Variants in TFCP2 observed in about 807,000 individuals in gnomAD.
TFCP2 encodes the protein transcription factor CP2.
In TFCP2, 33 loss-of-function variants were observed where a neutral mutation model predicts 73.4. The observed-to-expected ratio is 0.45, with a 90% CI of 0.34 to 0.60. TFCP2 has a LOEUF of 0.60. Ranked by LOEUF, TFCP2 falls within the 20% of genes least tolerant of loss-of-function variation. The probability of loss-of-function intolerance (pLI) is 0.01; values close to 1 mark genes in which losing one functional copy is unlikely to be tolerated. For synonymous variants in TFCP2, 193 were observed against 211.6 expected (o/e 0.91, Z 0.76); for missense variants, 352 against 604.0 (o/e 0.58, Z 4.37).
rs774474321 is a variant in TFCP2, at chr12:51,128,992, CA to C, written c.123-10221del. On this transcript the variant is annotated intron_variant, in intron 1 of 14. Coordinates refer to ENST00000257915, the MANE Select transcript of TFCP2 (RefSeq NM_005653.5). Reference sequence around the variant, plus strand: ...TAAATATAAAGTCATAAGCTTAGAACAAAAAAATCAACAATAACAACAAAAT... The same window carrying C: ...TAAATATAAAGTCATAAGCTTAGAACAAAAAATCAACAATAACAACAAAAT... Among the ~76,000 whole-genome samples the C allele has an allele frequency of 3.3e-5, 5 of 151,854 alleles. No homozygotes were observed. In the East Asian group the frequency reaches 9.7e-4, roughly 29 times the overall value.
intron 1 of TFCP2, among the ~76,000 whole-genome samples, chr12:51,161,258 A>G (rs1941643066): frequency 1.3e-5 from 2 of 152,158 alleles, no homozygotes; most frequent in Non-Finnish European, 2.9e-5. Context: ...AACAACAGTA[A>G]TCCCTAGGGA....
intron 13 of TFCP2, among the ~76,000 whole-genome samples, chr12:51,097,866 A>C (rs1468348844): frequency 2.6e-5 from 4 of 151,802 alleles, no homozygotes; most frequent in Admixed American, 6.6e-5. Context: ...AAATACAAAA[A>C]TTAGCCAGGC....
rs558398051 is a variant in TFCP2 at position 51,119,488 on chromosome 12, T to C, written c.123-716A>G. Among the ~76,000 whole-genome samples, 31 of 152,316 alleles carry C rather than the reference T, an allele frequency of 2.0e-4. No individual in the cohort carries two copies. The South Asian group carries it at 2.7e-3, about 13-fold the overall frequency. ...ACATGCAGTCAGGCACAGTGGCTCA[T>C]GCCTGTAATCCCAGCAATTTGGGAG... On this transcript the variant is annotated intron_variant, in intron 1 of 14. Coordinates refer to ENST00000257915, the MANE Select transcript of TFCP2 (RefSeq NM_005653.5).
intron 1 of TFCP2, among the ~76,000 whole-genome samples, chr12:51,124,108 T>TTC (rs397827977): frequency 1.3e-4 from 20 of 151,792 alleles, no homozygotes; most frequent in Admixed American, 1.3e-4. Flanking sequence ...CTTTTTTTTT[T>TTC]CTTTTTTGAG....
intron 3 of TFCP2, among the ~76,000 whole-genome samples, chr12:51,117,080 T>C (rs1312621341): frequency 3.3e-5 from 5 of 152,192 alleles, no homozygotes; most frequent in Non-Finnish European, 7.3e-5. Flanking sequence ...CAGATGTATA[T>C]GAAAAACTCA....
In TFCP2 at chr12:51,118,757, C is replaced by T. The variant is rs878949094; in HGVS notation, c.138G>A (p.Leu46=). The T allele has an allele frequency of 6.2e-7, 1 of 1,613,892 alleles. No homozygotes were observed. Among genetic ancestry groups the T allele is most frequent in the Non-Finnish European group, 8.5e-7 (1 of 1,180,020 alleles). ...TCGACTCTTCTTGCTTAAAAATGGG[C>T]AATGCAAGGACATCACTAAAATAAA... ...GAYSMSDVLA[L]PIFKQEESSL... The change falls in exon 2 of 15, where the codon TTG becomes TTA. Residue 46 remains leucine, a synonymous_variant. Coordinates refer to ENST00000257915, the MANE Select transcript of TFCP2 (RefSeq NM_005653.5).
At chr12:51,170,533 G>C (rs956720094) in intron 1 of TFCP2, among the ~76,000 whole-genome samples, 1 of 151,876 alleles carries the variant, frequency 6.6e-6, no homozygotes, top group Non-Finnish European at 1.5e-5. Context: ...TATTTGTGGA[G>C]AGCGGGTCTT....
At chr12:51,125,103 G>A in intron 1 of TFCP2, 1 of 754,486 alleles carries the variant, frequency 1.3e-6, no homozygotes, top group Non-Finnish European at 2.5e-6. Context: ...GAAGATGCGA[G>A]GAAGCTGGCT....
chr12:51,123,406 C>A (rs1940729923), intron 1 of TFCP2, among the ~76,000 whole-genome samples: 1 of 152,008 alleles, frequency 6.6e-6, no homozygotes, highest in African/African-American at 2.4e-5. Context: ...CTATTTATAC[C>A]AAAACAAAAA....
At chr12:51,122,238 TA>T (rs373732853) in intron 1 of TFCP2, among the ~76,000 whole-genome samples, 176 of 149,638 alleles carry the variant, frequency 1.2e-3, no homozygotes, top group Admixed American at 1.5e-3. Context: ...GAAACAGTTT[TA>T]TTTTTTTTCT....
chr12:51,170,692 T>A (rs560091526), intron 1 of TFCP2, among the ~76,000 whole-genome samples: 1 of 152,214 alleles, frequency 6.6e-6, no homozygotes, highest in South Asian at 2.1e-4. Context: ...CCCCTTTTTT[T>A]TTTTGAGACG....
chr12:51,149,475 A>G (rs1213148936), intron 1 of TFCP2, among the ~76,000 whole-genome samples: 1 of 152,240 alleles, frequency 6.6e-6, no homozygotes, highest in Non-Finnish European at 1.5e-5. Context: ...GTTTTCCATA[A>G]TAAGAGGAGG....
intron 4 of TFCP2, among the ~76,000 whole-genome samples, chr12:51,112,858 C>A (rs1940435897): frequency 7.7e-6 from 1 of 129,180 alleles, no homozygotes. Context: ...CAGAGCAAGA[C>A]TCTGTCTCAA....
At position 51,140,267 on chromosome 12, in the gene TFCP2, C is replaced by G. The variant is rs572662966; in HGVS notation, c.123-21495G>C. On this transcript the variant is annotated intron_variant, in intron 1 of 14. Transcript: ENST00000257915. ...TTAACTATGATTTCACTAAAAGAAC[C>G]TGAAAAGGACTCAAAGGCCAGGCAT... 4.0e-5 allele frequency among the ~76,000 whole-genome samples: 6 copies of G among 151,844 alleles called. No individual in the cohort carries two copies. The South Asian group carries it at 1.2e-3, about 32-fold the overall frequency.
In TFCP2 at chr12:51,101,971, G is replaced by A. The variant is rs1424208683; in HGVS notation, c.1115C>T (p.Ala372Val). The change falls in exon 11 of 15, where the codon GCA (alanine) becomes GTA (valine). Residue 372 changes from alanine to valine, a missense_variant. Ala to Val is a moderately conservative substitution (Grantham distance 64, BLOSUM62 0). This residue lies in a region of TFCP2 where 194 missense variants were observed against 256.3 expected (regional missense o/e 0.76). Transcript: ENST00000257915. ...RDDVIQICGP[A>V]DGIRLFNALK... ...TGCATTAAAAAGTCTGATTCCATCT[G>A]CAGGGCCACAGATTTGGATCACATC... is the stretch of plus-strand genomic sequence containing the variant. 1.2e-6 allele frequency: 2 copies of A among 1,613,138 alleles called. No individual in the cohort carries two copies. Among genetic ancestry groups the A allele is most frequent in the Non-Finnish European group, 1.7e-6 (2 of 1,179,284 alleles).
In TFCP2 at chr12:51,093,986, T is replaced by TACACACACAC. The variant is rs10694278; in HGVS notation, c.*1245_*1254dup. On this transcript the variant is annotated 3_prime_UTR_variant, in exon 15 of 15. Coordinates refer to ENST00000257915, the MANE Select transcript of TFCP2 (RefSeq NM_005653.5). ...ACCCATGATGTTACACTTACACACT[T>TACACACACAC]ACACACACACACACACACACACACA... 8.3e-5 allele frequency: 10 copies of TACACACACAC among 120,102 alleles called. No homozygotes were observed. Among genetic ancestry groups the TACACACACAC allele is most frequent in the African/African-American group, 2.7e-4 (10 of 37,416 alleles). The allele number at this position is 120,102 out of a possible 1,614,324, so 7.4% of individuals were successfully genotyped here. A position where few individuals can be genotyped will look rare whatever the true frequency, so the allele number is the denominator to read the frequency against.
intron 14 of TFCP2, among the ~76,000 whole-genome samples, 170 bp downstream of exon 14, chr12:51,095,813 CAAAAAA>C (rs34105291): frequency 1.9e-4 from 16 of 84,180 alleles, no homozygotes; most frequent in South Asian, 5.0e-4. Context: ...GACTCTGTTT[CAAAAAA>C]AAAAAAAAAA....
intron 1 of TFCP2, among the ~76,000 whole-genome samples, chr12:51,163,662 C>T (rs1410124440): frequency 6.6e-6 from 1 of 151,862 alleles, no homozygotes; most frequent in African/African-American, 2.4e-5. Flanking sequence ...TGGCTCATGC[C>T]TTTAATCCCA....
chr12:51,156,157 A>G (rs1941533366), intron 1 of TFCP2, among the ~76,000 whole-genome samples: 1 of 152,142 alleles, frequency 6.6e-6, no homozygotes, highest in East Asian at 1.9e-4. Flanking sequence ...CATTGCTATA[A>G]AGGAATACCT....
Sources: allele counts gnomAD v4.1 joint callset (sites outside exome capture counted in the v4.1 genomes callset), GRCh38; gene constraint gnomAD v4.1.1; regional missense constraint gnomAD v4.1.1; transcripts MANE v1.5; gene names NCBI Gene and HGNC (gene_info 2026-07-23, HGNC 2026-07-21).